The following GASK1B variants were observed in gnomAD, a reference collection of about 807,000 sequenced individuals.
The protein encoded by GASK1B is Golgi-associated kinase 1B.
In GASK1B, 34 loss-of-function variants were observed where a neutral mutation model predicts 42.8. The observed-to-expected ratio is 0.79, with a 90% CI of 0.60 to 1.06. The LOEUF is 1.06. Among genes scored for constraint, GASK1B ranks in the 50% least tolerant of loss-of-function variants. The pLI, the probability that GASK1B is intolerant of heterozygous loss-of-function variation, is 0.00. For missense variants in GASK1B, 686 were observed against 661.0 expected (o/e 1.04, Z -0.42); for synonymous variants, 262 against 259.1 (o/e 1.01, Z -0.11).
intron 3 of GASK1B, among the ~76,000 whole-genome samples, chr4:158,132,793 T>C (rs952852395): frequency 8.5e-5 from 13 of 152,138 alleles, no homozygotes; most frequent in Non-Finnish European, 5.9e-5. Context: ...TCTGTCAAGA[T>C]TGGTTCCAAG....
chr4:158,156,397 T>C (rs1046245218), intron 2 of GASK1B, among the ~76,000 whole-genome samples: 2 of 152,180 alleles, frequency 1.3e-5, no homozygotes, highest in Non-Finnish European at 2.9e-5. Context: ...TGATAGAAAC[T>C]GTGCAAGCAC....
intron 2 of GASK1B, chr4:158,159,659 A>C (rs1358026149): frequency 4.1e-6 from 1 of 244,954 alleles, no homozygotes; most frequent in Non-Finnish European, 8.5e-6. Context: ...GTTTTAAAAG[A>C]TATGTGGGTG....
At chr4:158,138,563 T>G (rs933065240) in intron 3 of GASK1B, among the ~76,000 whole-genome samples, 2 of 152,156 alleles carry the variant, frequency 1.3e-5, no homozygotes, top group African/African-American at 2.4e-5. Context: ...TCTGAAGGAA[T>G]AGTATCACTG....
intron 2 of GASK1B, 68 bp from the exon 3 acceptor site, chr4:158,155,893 C>T (rs151173105): frequency 5.9e-6 from 8 of 1,352,236 alleles, no homozygotes; most frequent in South Asian, 2.5e-5. Context: ...TTGAGCAGGT[C>T]GTTCACTCTT....
intron 2 of GASK1B, among the ~76,000 whole-genome samples, chr4:158,158,695 C>T (rs1030140712): frequency 7.2e-5 from 11 of 152,000 alleles, no homozygotes; most frequent in African/African-American, 2.7e-4. Flanking sequence ...TTCAACTATG[C>T]AACCGTTCAA....
intron 4 of GASK1B, among the ~76,000 whole-genome samples, chr4:158,130,373 G>T (rs1211530766): frequency 6.6e-6 from 1 of 152,100 alleles, no homozygotes; most frequent in African/African-American, 2.4e-5. Flanking sequence ...TAGACATTCT[G>T]CCATGTCAAT....
rs758510889 is a variant in GASK1B, at chr4:158,170,658, A to G, written c.718T>C (p.Ser240Pro). The change falls in exon 2 of 5, where the codon TCT (serine) becomes CCT (proline). Residue 240 changes from serine (S) to proline (P), a missense_variant. Transcript: ENST00000585682. ...ACCAGCAAACGGGCTCCGCTCCTAG[A>G]GGACACAGGCCGGAGCCCTGCCACT... ...SAVAGLRPVS[S>P]RSGARLLVLE... The G allele has an allele frequency of 6.8e-6, 11 of 1,614,066 alleles. No homozygotes were observed. In the East Asian group the frequency reaches 8.9e-5, roughly 13 times the overall value.
chr4:158,159,962 T>C (rs1430156674), intron 2 of GASK1B, among the ~76,000 whole-genome samples: 1 of 152,170 alleles, frequency 6.6e-6, no homozygotes, highest in African/African-American at 2.4e-5. Flanking sequence ...GGTGGAGCTA[T>C]GAATGTCTGT....
rs202166159 is a variant in GASK1B, at chr4:158,170,819, G to A, written c.557C>T (p.Pro186Leu). The A allele has an allele frequency of 2.0e-4, 321 of 1,614,160 alleles. No homozygotes were observed. Among genetic ancestry groups the A allele is most frequent in the Non-Finnish European group, 2.4e-4 (289 of 1,180,020 alleles). ...GTCTGGGCCCCCGGCTCGCACTCCC[G>A]GACCCCGCACCAACCTCCAGGGTCG... ...GERPWRLVRG[P>L]GVRAGGPDFL... Residue 186 changes from proline to leucine, a missense_variant, in exon 2 of 5, where the codon CCG becomes CTG. Coordinates refer to ENST00000585682, the MANE Select transcript of GASK1B (RefSeq NM_001128424.2).
intron 3 of GASK1B, 53 bp from the exon 4 acceptor site, chr4:158,131,065 A>G: frequency 6.8e-7 from 1 of 1,476,416 alleles, no homozygotes; most frequent in Non-Finnish European, 9.4e-7. Flanking sequence ...AAAACTTGGG[A>G]AAGTTACAAG....
chr4:158,155,575 T>C (rs200797354), intron 3 of GASK1B, 36 bp downstream of exon 3: 8 of 1,559,986 alleles, frequency 5.1e-6, no homozygotes, highest in Non-Finnish European at 7.1e-6. Context: ...TCAGCGCCAG[T>C]CTTAGATAAC....
chr4:158,143,565 G>A (rs2110961445), intron 3 of GASK1B, among the ~76,000 whole-genome samples: 1 of 152,160 alleles, frequency 6.6e-6, no homozygotes, highest in South Asian at 2.1e-4. Context: ...TAATAGAAAT[G>A]AAAAGGAAAA....
rs760524041 is a variant in GASK1B, at chr4:158,171,345, T to C, written c.31A>G (p.Ile11Val). ...CACAGGGAGCAGATGAACCAGTTTA[T>C]GAGCTGCCCCGGCTTGTCTGGACAG... Reference protein sequence around the residue: MTCPDKPGQLINWFICSLCVP... With the variant: MTCPDKPGQLVNWFICSLCVP... Residue 11 changes from isoleucine to valine, a missense_variant, in exon 2 of 5, where the codon ATA becomes GTA. By Grantham distance (29) the Ile-to-Val change is conservative. Coordinates refer to ENST00000585682, the MANE Select transcript of GASK1B (RefSeq NM_001128424.2). The C allele has an allele frequency of 2.5e-6, 4 of 1,603,472 alleles. No individual in the cohort carries two copies. Among genetic ancestry groups the C allele is most frequent in the Middle Eastern group, 3.4e-4 (2 of 5,936 alleles).
At chr4:158,158,281 T>C in intron 2 of GASK1B, among the ~76,000 whole-genome samples, 1 of 152,280 alleles carries the variant, frequency 6.6e-6, no homozygotes, top group East Asian at 1.9e-4. Context: ...GGTTTTGCTC[T>C]GATGATTATT....
At chr4:158,166,104 C>T (rs557300079) in intron 2 of GASK1B, among the ~76,000 whole-genome samples, 40 of 152,302 alleles carry the variant, frequency 2.6e-4, no homozygotes, top group African/African-American at 9.4e-4. Context: ...TATATTGTGG[C>T]ACACTGCTGG....
chr4:158,149,465 T>C (rs891756582), intron 3 of GASK1B, among the ~76,000 whole-genome samples: 4 of 152,208 alleles, frequency 2.6e-5, no homozygotes, highest in Non-Finnish European at 5.9e-5. Context: ...TTAAAATACA[T>C]GTCACTAGAG....
intron 2 of GASK1B, among the ~76,000 whole-genome samples, chr4:158,167,711 A>G (rs1174953601): frequency 6.6e-6 from 1 of 152,210 alleles, no homozygotes; most frequent in Non-Finnish European, 1.5e-5. Context: ...GATTAAATAA[A>G]TGATTATAAT....
intron 3 of GASK1B, among the ~76,000 whole-genome samples, chr4:158,146,466 CTTA>C (rs1369466187): frequency 6.6e-6 from 1 of 152,050 alleles, no homozygotes; most frequent in Non-Finnish European, 1.5e-5. Context: ...ATAAGTAATA[CTTA>C]TTGAGTGCCT....
At chr4:158,144,945 G>T (rs550186398) in intron 3 of GASK1B, among the ~76,000 whole-genome samples, 1 of 152,274 alleles carries the variant, frequency 6.6e-6, no homozygotes, top group South Asian at 2.1e-4. Flanking sequence ...CAGGACCCTG[G>T]AGCACCATGT....
Sources: allele counts gnomAD v4.1 joint callset (sites outside exome capture counted in the v4.1 genomes callset), GRCh38; gene constraint gnomAD v4.1.1; transcripts MANE v1.5; gene names NCBI Gene and HGNC (gene_info 2026-07-23, HGNC 2026-07-21).